Variants in CLUL1 observed in about 807,000 individuals in gnomAD.
CLUL1 encodes the protein clusterin like 1, also known as clusterin-like protein 1.
Under a neutral mutation model 49.4 loss-of-function variants are expected in CLUL1, and 43 were observed. The ratio of observed to expected loss-of-function variants is 0.87; its 90% CI spans 0.68 to 1.12. The LOEUF is 1.12. Ranked by LOEUF, CLUL1 falls within the 50% of genes most tolerant of loss-of-function variation. The pLI, the probability that CLUL1 is intolerant of heterozygous loss-of-function variation, is 0.00. For missense variants in CLUL1, 486 were observed against 544.4 expected (o/e 0.89, Z 1.07); for synonymous variants, 192 against 184.9 (o/e 1.04, Z -0.31).
chr18:642,513 C>A (rs2074372111), intron 8 of CLUL1, among the ~76,000 whole-genome samples: 1 of 152,198 alleles, frequency 6.6e-6, no homozygotes, highest in Admixed American at 6.5e-5. Flanking sequence ...TAACTTTTTG[C>A]ATAACATGCA....
chr18:603,400 TGAG>T (rs143305359), intron 1 of CLUL1, among the ~76,000 whole-genome samples: 4,394 of 152,134 alleles, frequency 0.029, 88 homozygotes, highest in Middle Eastern at 0.075. Flanking sequence ...GGGAGGTAAA[TGAG>T]GAGACAAATA....
At chr18:603,082 C>T (rs567865001) in intron 1 of CLUL1, among the ~76,000 whole-genome samples, 13 of 152,238 alleles carry the variant, frequency 8.5e-5, no homozygotes, top group African/African-American at 3.1e-4. Flanking sequence ...TCAGAATCAA[C>T]TAGATGGATT....
rs1598418842 is a variant in CLUL1 at position 618,220 on chromosome 18, C to T, written c.106+114C>T. On this transcript the variant is annotated intron_variant, in intron 3 of 9. Coordinates refer to ENST00000692774, the MANE Select transcript of CLUL1 (RefSeq NM_001393344.1). The surrounding 1 kb of genome is among the most constrained non-coding windows in gnomAD (Gnocchi z 4.2). ...CATATTCGCTGTTTTCACGGTGAAA[C>T]GTTCTCAAGGCGCTTAAACCAGGTC... 1 of 780,476 alleles carries T rather than the reference C, an allele frequency of 1.3e-6. No individual in the cohort carries two copies. The highest frequency in any genetic ancestry group is 2.7e-5 in the East Asian group (1 of 37,324). The allele number at this position is 780,476 out of a possible 1,614,324, so 48.3% of individuals were successfully genotyped here.
At chr18:626,703 CAAA>C (rs1369403369) in intron 5 of CLUL1, among the ~76,000 whole-genome samples, 1 of 148,736 alleles carries the variant, frequency 6.7e-6, no homozygotes, top group Non-Finnish European at 1.5e-5. Context: ...TACTAAAATA[CAAA>C]AAAAATTAGC....
At chr18:637,055 T>C (rs1381962890) in intron 7 of CLUL1, among the ~76,000 whole-genome samples, 1 of 151,368 alleles carries the variant, frequency 6.6e-6, no homozygotes, top group Non-Finnish European at 1.5e-5. Flanking sequence ...GGCACAATCT[T>C]GGCTCAGTGC....
chr18:600,787 G>C (rs543750102), intron 1 of CLUL1, among the ~76,000 whole-genome samples: 1 of 152,134 alleles, frequency 6.6e-6, no homozygotes, highest in Non-Finnish European at 1.5e-5. Flanking sequence ...TTTACAAAAC[G>C]CAAGATAACT....
At chr18:598,232 T>G (rs1239434988) in intron 1 of CLUL1, 1 of 258,002 alleles carries the variant, frequency 3.9e-6, no homozygotes, top group Non-Finnish European at 7.3e-6. Flanking sequence ...TAGAGAATGA[T>G]GAACTACCAT....
chr18:621,009 TAA>T (rs1164551916), intron 4 of CLUL1, among the ~76,000 whole-genome samples: 3 of 152,196 alleles, frequency 2.0e-5, no homozygotes, highest in Non-Finnish European at 4.4e-5. Context: ...TGAAAAATGT[TAA>T]GTTGTAAAAT....
At position 611,024 on chromosome 18, in the gene CLUL1, C is replaced by T. The variant is rs550002156; in HGVS notation, c.-14+3925C>T. Among the ~76,000 whole-genome samples the T allele has an allele frequency of 1.4e-3, 219 of 152,272 alleles. 1 individual carries two copies. The highest frequency in any genetic ancestry group is 5.1e-3 in the African/African-American group (212 of 41,566). ...CTGTCCTACGTCTTGGCTGCTCCTC[C>T]CAGATCACCTTCTGGCCGGTCCCAA... On this transcript the variant is annotated intron_variant, in intron 2 of 9. Coordinates refer to ENST00000692774, the MANE Select transcript of CLUL1 (RefSeq NM_001393344.1).
chr18:620,318 T>C (rs184912616), intron 4 of CLUL1, among the ~76,000 whole-genome samples: 92 of 152,306 alleles, frequency 6.0e-4, no homozygotes, highest in African/African-American at 2.0e-3. Flanking sequence ...TGCCATTTGC[T>C]TTTGGTCCGC....
intron 2 of CLUL1, among the ~76,000 whole-genome samples, chr18:613,921 T>G (rs1208283432): frequency 6.6e-6 from 1 of 152,214 alleles, no homozygotes; most frequent in African/African-American, 2.4e-5. Context: ...GTCAAATCAT[T>G]TCGTACATTC....
At chr18:620,098 G>T (rs1439341536) in intron 4 of CLUL1, among the ~76,000 whole-genome samples, 1 of 152,154 alleles carries the variant, frequency 6.6e-6, no homozygotes, top group Non-Finnish European at 1.5e-5. Context: ...TTATGAATTA[G>T]ATACATGAAT....
intron 5 of CLUL1, among the ~76,000 whole-genome samples, chr18:625,714 T>A (rs563045106): frequency 1.3e-5 from 2 of 152,220 alleles, no homozygotes; most frequent in South Asian, 4.2e-4. Context: ...TTAAGCTAGA[T>A]TTTTCTCCCC....
chr18:640,080 G>T (rs2074296804), intron 7 of CLUL1, among the ~76,000 whole-genome samples: 1 of 152,118 alleles, frequency 6.6e-6, no homozygotes, highest in South Asian at 2.1e-4. Flanking sequence ...CATAATCTAT[G>T]GGTAATTTCA....
chr18:625,969 G>T (rs921721795), intron 5 of CLUL1, among the ~76,000 whole-genome samples: 2 of 152,196 alleles, frequency 1.3e-5, no homozygotes, highest in African/African-American at 4.8e-5. Context: ...CAGGAAGTCA[G>T]GAGATATGGG....
chr18:626,934 A>G (rs1442099581), intron 5 of CLUL1, among the ~76,000 whole-genome samples, 163 bp from the exon 6 acceptor site: 15 of 1,314 alleles, frequency 0.011, no homozygotes, highest in Non-Finnish European at 0.025. Context: ...AAAGAAGGAA[A>G]GAAGGAAAGA....
intron 2 of CLUL1, among the ~76,000 whole-genome samples, chr18:610,518 C>A (rs2143955025): frequency 6.6e-6 from 1 of 152,244 alleles, no homozygotes; most frequent in Non-Finnish European, 1.5e-5. Context: ...AGAGAGACAG[C>A]CGGTAGAAGG....
intron 7 of CLUL1, among the ~76,000 whole-genome samples, chr18:636,301 T>C (rs2074133961): frequency 6.6e-6 from 1 of 152,206 alleles, no homozygotes; most frequent in African/African-American, 2.4e-5. Flanking sequence ...TATGTACATG[T>C]ATGCATATAT....
intron 1 of CLUL1, among the ~76,000 whole-genome samples, chr18:601,050 A>G (rs534981648): frequency 4.4e-4 from 67 of 152,194 alleles, no homozygotes; most frequent in Non-Finnish European, 8.8e-4. Flanking sequence ...TATCTGGATT[A>G]CTTCGTGCCT....
Sources: allele counts gnomAD v4.1 joint callset (sites outside exome capture counted in the v4.1 genomes callset), GRCh38; gene constraint gnomAD v4.1.1; non-coding constraint Gnocchi (gnomAD v3.1); transcripts MANE v1.5; gene names NCBI Gene and HGNC (gene_info 2026-07-23, HGNC 2026-07-21).